The following CTIF variants were observed in gnomAD, a reference collection of about 807,000 sequenced individuals.
The protein encoded by CTIF is CBP80/20-dependent translation initiation factor.
A neutral mutation model predicts 66.0 loss-of-function variants in CTIF; 21 were observed. The ratio of observed to expected loss-of-function variants is 0.32; its 90% CI spans 0.23 to 0.46. The LOEUF is 0.46. Among genes scored for constraint, CTIF ranks in the 20% least tolerant of loss-of-function variants. The pLI is 1.00. For synonymous variants in CTIF, 345 were observed against 326.4 expected (o/e 1.06, Z -0.62); for missense variants, 739 against 812.7 (o/e 0.91, Z 1.10).
At chr18:48,821,300 G>A (rs891683244) in intron 10 of CTIF, among the ~76,000 whole-genome samples, 1 of 152,238 alleles carries the variant, frequency 6.6e-6, no homozygotes, top group Non-Finnish European at 1.5e-5. Flanking sequence ...CTGCATGGAC[G>A]CCTCCATCTC....
rs542780995 is a variant in CTIF, at chr18:48,560,319, A to T, written c.-29+21007A>T. 4.8e-5 allele frequency among the ~76,000 whole-genome samples: 7 copies of T among 146,474 alleles called. No homozygotes were observed. In the East Asian group the frequency reaches 1.4e-3, roughly 30 times the overall value. On this transcript the variant is annotated intron_variant, in intron 1 of 11. Coordinates refer to ENST00000256413, the MANE Select transcript of CTIF (RefSeq NM_014772.3). ...TCGGCTCACTGCAAGCTCGCCTCCC[A>T]GGTTCACGCCATTCTCCTGCCTCAG...
Position 48,615,466 on chromosome 18 carries a change from C to T in CTIF, c.-28-4072C>T, listed in dbSNP as rs538445794. ...GGAAGTGATGTATTCTCCTGTTCCCCCTGGAAAACGAGAGTTCCTGGAGGA... is the reference window on the plus strand; with the variant it reads ...GGAAGTGATGTATTCTCCTGTTCCCTCTGGAAAACGAGAGTTCCTGGAGGA... On this transcript the variant is annotated intron_variant, in intron 1 of 11. Coordinates refer to ENST00000256413, the MANE Select transcript of CTIF (RefSeq NM_014772.3). 1.1e-4 allele frequency among the ~76,000 whole-genome samples: 17 copies of T among 152,292 alleles called. No homozygotes were observed. The East Asian group carries it at 3.1e-3, about 28-fold the overall frequency.
chr18:48,775,504 C>G (rs984374063), intron 9 of CTIF, among the ~76,000 whole-genome samples: 1 of 152,264 alleles, frequency 6.6e-6, no homozygotes, highest in Non-Finnish European at 1.5e-5. Flanking sequence ...GCACTGTAGA[C>G]AGCCCAGGAT....
At chr18:48,651,175 C>T (rs1474937427) in intron 3 of CTIF, among the ~76,000 whole-genome samples, 1 of 152,114 alleles carries the variant, frequency 6.6e-6, no homozygotes, top group African/African-American at 2.4e-5. Context: ...GAGCTAAATG[C>T]CCCAATTAAA....
chr18:48,618,505 C>G (rs897198532), intron 1 of CTIF, among the ~76,000 whole-genome samples: 4 of 152,196 alleles, frequency 2.6e-5, no homozygotes, highest in African/African-American at 9.6e-5. Context: ...ACAAGGCAAG[C>G]TTTAAATCCC....
chr18:48,686,263 G>T (rs1232713491), intron 6 of CTIF, among the ~76,000 whole-genome samples: 1 of 152,038 alleles, frequency 6.6e-6, no homozygotes, highest in Non-Finnish European at 1.5e-5. Flanking sequence ...TATTCTAAGG[G>T]TTATAATCCA....
At chr18:48,671,101 G>C (rs2091526299) in intron 6 of CTIF, among the ~76,000 whole-genome samples, 1 of 152,194 alleles carries the variant, frequency 6.6e-6, no homozygotes, top group African/African-American at 2.4e-5. Flanking sequence ...GGTGGGACTG[G>C]CAGGCCTGGA....
intron 10 of CTIF, among the ~76,000 whole-genome samples, chr18:48,842,209 C>G (rs2068961275): frequency 6.6e-6 from 1 of 152,136 alleles, no homozygotes; most frequent in African/African-American, 2.4e-5. Flanking sequence ...TGGGCCAATG[C>G]CAATTACAAG....
intron 6 of CTIF, among the ~76,000 whole-genome samples, chr18:48,708,340 G>A (rs2092184798): frequency 6.6e-6 from 1 of 152,212 alleles, no homozygotes; most frequent in Admixed American, 6.5e-5. Flanking sequence ...TCTTGTTTTG[G>A]GAGGAGTGTA....
At chr18:48,710,778 C>A (rs770487717) in intron 6 of CTIF, among the ~76,000 whole-genome samples, 1 of 152,140 alleles carries the variant, frequency 6.6e-6, no homozygotes, top group Non-Finnish European at 1.5e-5. Flanking sequence ...GAAAAAGGAG[C>A]CTGGGCAACA....
intron 9 of CTIF, among the ~76,000 whole-genome samples, chr18:48,804,071 G>A (rs566259826): frequency 4.3e-4 from 66 of 152,326 alleles, no homozygotes; most frequent in African/African-American, 1.5e-3. Context: ...TGGCATCCAA[G>A]AATCCTCAGT....
At chr18:48,855,829 G>A (rs960228703) in intron 10 of CTIF, among the ~76,000 whole-genome samples, 1 of 152,226 alleles carries the variant, frequency 6.6e-6, no homozygotes, top group Non-Finnish European at 1.5e-5. Context: ...CTTGGTTATG[G>A]ATGGTAAGGG....
At chr18:48,678,045 C>A (rs542828253) in intron 6 of CTIF, among the ~76,000 whole-genome samples, 1 of 152,298 alleles carries the variant, frequency 6.6e-6, no homozygotes, top group African/African-American at 2.4e-5. Context: ...GGAATCCAGG[C>A]AGCCTGACTC....
intron 9 of CTIF, among the ~76,000 whole-genome samples, chr18:48,786,438 C>T (rs1248371241): frequency 1.3e-5 from 2 of 152,188 alleles, no homozygotes; most frequent in Non-Finnish European, 1.5e-5. Context: ...AAGCTGTGTG[C>T]CTTTGCAAAG....
At chr18:48,693,280 A>T (rs1366098640) in intron 6 of CTIF, among the ~76,000 whole-genome samples, 1 of 152,178 alleles carries the variant, frequency 6.6e-6, no homozygotes, top group Non-Finnish European at 1.5e-5. Context: ...AAGAGGAAAA[A>T]GAAATTCTAC....
chr18:48,843,701 T>C (rs1458822658), intron 10 of CTIF, among the ~76,000 whole-genome samples: 4 of 151,922 alleles, frequency 2.6e-5, no homozygotes. Flanking sequence ...ATCAGGGCAG[T>C]TTGGAGAGTG....
chr18:48,568,633 T>TAAAAAAAAAAAAAAGA (rs2089332981), intron 1 of CTIF, among the ~76,000 whole-genome samples: 1 of 36,622 alleles, frequency 2.7e-5, no homozygotes, highest in Non-Finnish European at 6.0e-5. Context: ...GGGCAATTTG[T>TAAAAAAAAAAAAAAGA]AAAAAAAAAA....
chr18:48,669,793 TTATATATATATATATATA>T (rs57715945), intron 5 of CTIF, among the ~76,000 whole-genome samples: 1,095 of 47,304 alleles, frequency 0.023, 68 homozygotes, highest in Middle Eastern at 0.088. Flanking sequence ...AGCTAAACAT[TTATATATATATATATATA>T]TATATATATA....
chr18:48,548,945 T>G (rs2145514345), intron 1 of CTIF, among the ~76,000 whole-genome samples: 1 of 152,022 alleles, frequency 6.6e-6, no homozygotes, highest in Non-Finnish European at 1.5e-5. Flanking sequence ...GTCAGGAGAA[T>G]GAAAAGGGTG....
Sources: allele counts gnomAD v4.1 joint callset (sites outside exome capture counted in the v4.1 genomes callset), GRCh38; gene constraint gnomAD v4.1.1; transcripts MANE v1.5; gene names NCBI Gene and HGNC (gene_info 2026-07-23, HGNC 2026-07-21).